EML4: variants seen among roughly 807,000 people sequenced by gnomAD.
The protein encoded by EML4 is EMAP like 4.
Under a neutral mutation model 129.0 loss-of-function variants are expected in EML4, and 72 were observed. The ratio of observed to expected loss-of-function variants is 0.56; its 90% CI spans 0.46 to 0.68. The LOEUF is 0.68. EML4 is among the 30% of genes least tolerant of loss of function. The probability of loss-of-function intolerance (pLI) is 0.00; values close to 1 mark genes in which losing one functional copy is unlikely to be tolerated. For missense variants in EML4, 1,363 were observed against 1,190.6 expected (o/e 1.14, Z -2.13); for synonymous variants, 532 against 405.0 (o/e 1.31, Z -3.77).
intron 1 of EML4, among the ~76,000 whole-genome samples, chr2:42,183,763 A>G (rs1021023373): frequency 6.6e-6 from 1 of 152,114 alleles, no homozygotes; most frequent in African/African-American, 2.4e-5. Context: ...TTCTTATTAA[A>G]TAATCTGGCT....
At chr2:42,238,620 A>T (rs6721501) in intron 1 of EML4, among the ~76,000 whole-genome samples, 1 of 111,540 alleles carries the variant, frequency 9.0e-6, no homozygotes, top group African/African-American at 3.8e-5. Context: ...TTATTTTTTT[A>T]TTTTTTATTT....
At chr2:42,284,745 G>A in intron 9 of EML4, 42 bp downstream of exon 9, 1 of 1,418,466 alleles carries the variant, frequency 7.0e-7, no homozygotes, top group Non-Finnish European at 9.7e-7. Context: ...TAGAGACATT[G>A]CTGTTAGAGT....
chr2:42,289,812 A>T (rs1281266215), intron 11 of EML4: 1 of 151,594 alleles, frequency 6.6e-6, no homozygotes, highest in African/African-American at 2.4e-5. Context: ...TCACACCTGT[A>T]ATCTCAGCAC....
At chr2:42,259,161 T>C (rs1433255426) in intron 3 of EML4, among the ~76,000 whole-genome samples, 8 of 151,720 alleles carry the variant, frequency 5.3e-5, no homozygotes, top group Non-Finnish European at 1.2e-4. Context: ...GTGGGAGAAT[T>C]GCTTGAACCT....
chr2:42,235,153 G>T (rs925182690), intron 1 of EML4, among the ~76,000 whole-genome samples: 1 of 152,084 alleles, frequency 6.6e-6, no homozygotes, highest in African/African-American at 2.4e-5. Context: ...GAAATTAGCC[G>T]GGTGTGCTTG....
chr2:42,174,811 G>T (rs1474351672), intron 1 of EML4, among the ~76,000 whole-genome samples: 5 of 150,280 alleles, frequency 3.3e-5, no homozygotes, highest in African/African-American at 7.3e-5. Flanking sequence ...CTAGAAAGTG[G>T]TTTTTTTTTG....
intron 1 of EML4, among the ~76,000 whole-genome samples, chr2:42,215,023 G>A (rs60810258): frequency 0.054 from 8,248 of 152,144 alleles, 706 homozygotes; most frequent in African/African-American, 0.19. Flanking sequence ...ATCTGTGGAG[G>A]CTAGCTATAC....
intron 17 of EML4, among the ~76,000 whole-genome samples, chr2:42,312,742 A>G (rs1276783585): frequency 1.3e-5 from 2 of 150,352 alleles, no homozygotes; most frequent in Non-Finnish European, 3.0e-5. Context: ...TTTACTAGAG[A>G]TGGGGTTTCA....
chr2:42,283,663 A>T (rs923055940), intron 8 of EML4, among the ~76,000 whole-genome samples: 1 of 152,200 alleles, frequency 6.6e-6, no homozygotes, highest in African/African-American at 2.4e-5. Flanking sequence ...GATGACTATT[A>T]TAATATTATA....
At chr2:42,323,309 A>G (rs1669616531) in intron 19 of EML4, among the ~76,000 whole-genome samples, 1 of 152,152 alleles carries the variant, frequency 6.6e-6, no homozygotes, top group African/African-American at 2.4e-5. Flanking sequence ...ATACTCAGAA[A>G]ATAGCCAACA....
chr2:42,214,022 T>C (rs971762504), intron 1 of EML4, among the ~76,000 whole-genome samples: 5 of 152,202 alleles, frequency 3.3e-5, no homozygotes, highest in African/African-American at 1.2e-4. Context: ...AATATTATGG[T>C]AAACGGTGGG....
intron 1 of EML4, among the ~76,000 whole-genome samples, chr2:42,214,385 A>G (rs912458907): frequency 1.3e-5 from 2 of 152,166 alleles, no homozygotes; most frequent in Non-Finnish European, 2.9e-5. Context: ...CCAACTATGT[A>G]GCTTTTTCCT....
At chr2:42,202,019 G>T (rs1027622783) in intron 1 of EML4, among the ~76,000 whole-genome samples, 2 of 151,836 alleles carry the variant, frequency 1.3e-5, no homozygotes, top group Non-Finnish European at 2.9e-5. Flanking sequence ...GGGGGCAGAG[G>T]TTGCAGTGAG....
In EML4 at chr2:42,261,127, A is replaced by G; in HGVS notation, c.345A>G (p.Thr115=). The change falls in exon 4 of 23, where the codon ACA becomes ACG. Residue 115 remains threonine (T), a synonymous_variant. Coordinates refer to ENST00000318522, the MANE Select transcript of EML4 (RefSeq NM_019063.5). ...ETLSSAAKSG[T]EKKKEKPQGQ... ...GTTATACTTTATTTTACAGTGGTAC[A>G]GAAAAAAAGAAAGAAAAACCACAAG... 1.2e-6 allele frequency: 2 copies of G among 1,605,408 alleles called. No homozygotes were observed. Among genetic ancestry groups the G allele is most frequent in the Non-Finnish European group, 1.7e-6 (2 of 1,175,646 alleles).
At chr2:42,259,225 T>C (rs928562110) in intron 3 of EML4, among the ~76,000 whole-genome samples, 1 of 149,816 alleles carries the variant, frequency 6.7e-6, no homozygotes, top group Non-Finnish European at 1.5e-5. Context: ...CCAGCCTAGA[T>C]GACAGAGCAA....
At chr2:42,243,703 G>T (rs1675185626) in intron 1 of EML4, among the ~76,000 whole-genome samples, 1 of 152,172 alleles carries the variant, frequency 6.6e-6, no homozygotes, top group African/African-American at 2.4e-5. Context: ...ACAGAAGAGA[G>T]TACATGTGTA....
intron 1 of EML4, among the ~76,000 whole-genome samples, chr2:42,184,577 C>G (rs1321616482): frequency 6.6e-6 from 1 of 152,060 alleles, no homozygotes; most frequent in Non-Finnish European, 1.5e-5. Context: ...CCTCTGTATC[C>G]CTTTTCTTGC....
intron 1 of EML4, among the ~76,000 whole-genome samples, chr2:42,178,493 A>G (rs956415606): frequency 3.3e-5 from 5 of 152,076 alleles, no homozygotes; most frequent in Non-Finnish European, 5.9e-5. Flanking sequence ...GCAGTGAGCT[A>G]TGATATGCCA....
At chr2:42,270,373 A>G (rs1363021968) in intron 6 of EML4, among the ~76,000 whole-genome samples, 2 of 152,212 alleles carry the variant, frequency 1.3e-5, no homozygotes, top group Non-Finnish European at 2.9e-5. Flanking sequence ...AGCCTGGGCA[A>G]CATGGCAAAA....
Sources: gnomAD v4.1 joint callset for allele counts (sites outside exome capture counted in the v4.1 genomes callset) on GRCh38, gnomAD v4.1.1 for gene constraint, MANE v1.5 for transcripts, NCBI Gene and HGNC (gene_info 2026-07-23, HGNC 2026-07-21) for gene names.